Variants in ZBTB20 observed in about 807,000 individuals in gnomAD.
ZBTB20 encodes zinc finger and BTB domain containing 20, also known as zinc finger and BTB domain-containing protein 20.
A neutral mutation model predicts 56.9 loss-of-function variants in ZBTB20; 9 were observed. The ratio of observed to expected loss-of-function variants is 0.16; its 90% CI spans 0.10 to 0.28. The LOEUF (loss-of-function observed/expected upper bound fraction) is 0.28. Ranked by LOEUF, ZBTB20 falls within the 10% of genes least tolerant of loss-of-function variation. The pLI is 1.00. For synonymous variants in ZBTB20, 417 were observed against 420.7 expected (o/e 0.99, Z 0.11); for missense variants, 655 against 1,003.0 (o/e 0.65, Z 4.69).
Position 114,351,379 on chromosome 3 carries a change from C to T in ZBTB20, c.699G>A (p.Gln233=), listed in dbSNP as rs767169563. ...QSSDTESGYL[Q]SHPQHSVDRI... is the part of the protein sequence containing the mutation. ...TGTCCACGCTGTGCTGTGGGTGGCT[C>T]TGCAGGTAGCCCGACTCCGTGTCGC... is the stretch of plus-strand genomic sequence containing the variant. The change falls in exon 11 of 12, where the codon CAG becomes CAA. Residue 233 remains glutamine (Q), a synonymous_variant. Transcript: ENST00000675478. 3.7e-6 allele frequency: 6 copies of T among 1,611,634 alleles called. No individual in the cohort carries two copies. The South Asian group carries it at 6.6e-5, about 18-fold the overall frequency.
intron 7 of ZBTB20, among the ~76,000 whole-genome samples, chr3:114,444,674 G>C (rs1179809177): frequency 6.6e-6 from 1 of 152,056 alleles, no homozygotes; most frequent in Non-Finnish European, 1.5e-5. Flanking sequence ...AAAATGAGTA[G>C]TTTAAGCCTG....
chr3:114,956,826 C>T (rs145049848), intron 3 of ZBTB20, among the ~76,000 whole-genome samples: 2 of 152,290 alleles, frequency 1.3e-5, no homozygotes, highest in East Asian at 3.9e-4. Context: ...GGATGACTCA[C>T]TTTGACAGGA....
At chr3:114,758,559 T>G (rs575593877) in intron 5 of ZBTB20, among the ~76,000 whole-genome samples, 1 of 152,270 alleles carries the variant, frequency 6.6e-6, no homozygotes, top group Admixed American at 6.5e-5. Flanking sequence ...ATCAACAATG[T>G]TGAAAATAAC....
intron 2 of ZBTB20, among the ~76,000 whole-genome samples, chr3:115,059,441 T>A (rs1209304862): frequency 6.6e-6 from 1 of 152,180 alleles, no homozygotes; most frequent in Admixed American, 6.6e-5. Flanking sequence ...CCCTGGCTAT[T>A]AACAAAGTGT....
chr3:114,662,125 A>G (rs1381509793), intron 6 of ZBTB20, among the ~76,000 whole-genome samples: 1 of 144,176 alleles, frequency 6.9e-6, no homozygotes, highest in Non-Finnish European at 1.5e-5. Context: ...TCATTGTTCA[A>G]TTCCCACCTA....
chr3:114,653,624 G>A (rs765527931), intron 6 of ZBTB20, among the ~76,000 whole-genome samples: 3 of 151,834 alleles, frequency 2.0e-5, no homozygotes, highest in Non-Finnish European at 4.4e-5. Flanking sequence ...TTGGGATTAT[G>A]CCTGTCTCAT....
At chr3:114,353,753 G>T (rs1419849778) in intron 10 of ZBTB20, among the ~76,000 whole-genome samples, 2 of 152,144 alleles carry the variant, frequency 1.3e-5, no homozygotes, top group African/African-American at 4.8e-5. Flanking sequence ...TTTTTTAGGG[G>T]TTACAGTTCT....
chr3:114,932,480 C>T (rs1190784772), intron 3 of ZBTB20, among the ~76,000 whole-genome samples: 1 of 152,208 alleles, frequency 6.6e-6, no homozygotes, highest in Non-Finnish European at 1.5e-5. Context: ...TTTGACATCA[C>T]AGATATTATC....
In ZBTB20 at chr3:114,474,648, G is replaced by A. The variant is rs189107106; in HGVS notation, c.-255+25704C>T. Among the ~76,000 whole-genome samples, 64 of 152,204 alleles carry A rather than the reference G, an allele frequency of 4.2e-4. 1 individual carries two copies. The highest frequency in any genetic ancestry group is 2.6e-3 in the Admixed American group (40 of 15,290). On this transcript the variant is annotated intron_variant, in intron 7 of 11. Coordinates refer to ENST00000675478, the MANE Select transcript of ZBTB20 (RefSeq NM_001348800.3). ...TCACTCAGTGTGTTCAAAATTAAAC[G>A]TGTGCTTTCCCCTCCCAACCCTTCT...
intron 6 of ZBTB20, among the ~76,000 whole-genome samples, chr3:114,656,465 C>T (rs1022651915): frequency 2.0e-5 from 3 of 151,800 alleles, no homozygotes; most frequent in African/African-American, 7.3e-5. Context: ...CTTTTTTCTT[C>T]TTCTGAGACA....
At chr3:114,691,450 A>T (rs1465007457) in intron 6 of ZBTB20, among the ~76,000 whole-genome samples, 2 of 152,120 alleles carry the variant, frequency 1.3e-5, no homozygotes, top group Non-Finnish European at 2.9e-5. Flanking sequence ...ATTTTTTATC[A>T]TAAAAAATTT....
At chr3:114,654,886 G>T (rs1308910719) in intron 6 of ZBTB20, among the ~76,000 whole-genome samples, 1 of 152,038 alleles carries the variant, frequency 6.6e-6, no homozygotes, top group Non-Finnish European at 1.5e-5. Context: ...ATATGATTAG[G>T]AAATATCCCT....
At chr3:114,520,423 T>C (rs1274488347) in intron 6 of ZBTB20, among the ~76,000 whole-genome samples, 1 of 152,196 alleles carries the variant, frequency 6.6e-6, no homozygotes, top group Non-Finnish European at 1.5e-5. Flanking sequence ...TTTTGAGGTA[T>C]ACAATTACTA....
rs80236311 is a variant in ZBTB20 at position 114,985,309 on chromosome 3, C to T, written c.-506-10893G>A. 5.9e-3 allele frequency among the ~76,000 whole-genome samples: 896 copies of T among 152,094 alleles called. 12 individuals carry two copies. The highest frequency in any genetic ancestry group is 0.021 in the African/African-American group (866 of 41,506). On this transcript the variant is annotated intron_variant, in intron 2 of 11. Transcript: ENST00000675478. Reference sequence around the variant, plus strand: ...ATAGTTTTCAAGTGCTTACAATGTGCAAGGTAGTTCTTTTTTCAGTTGAAT... The same window carrying T: ...ATAGTTTTCAAGTGCTTACAATGTGTAAGGTAGTTCTTTTTTCAGTTGAAT...
intron 6 of ZBTB20, among the ~76,000 whole-genome samples, chr3:114,507,413 A>T (rs2044767630): frequency 6.6e-6 from 1 of 152,136 alleles, no homozygotes; most frequent in African/African-American, 2.4e-5. Context: ...AAACTGAGAT[A>T]ATTTAGCTTA....
chr3:114,726,585 G>A (rs1225683434), intron 5 of ZBTB20, among the ~76,000 whole-genome samples: 1 of 152,144 alleles, frequency 6.6e-6, no homozygotes, highest in Non-Finnish European at 1.5e-5. Flanking sequence ...TAATGCTAAT[G>A]CTGCTGGTCA....
At chr3:115,074,209 A>C (rs1405841878) in intron 1 of ZBTB20, among the ~76,000 whole-genome samples, 1 of 152,206 alleles carries the variant, frequency 6.6e-6, no homozygotes, top group African/African-American at 2.4e-5. Context: ...GATTGTTTAC[A>C]GAATAAAATG....
intron 3 of ZBTB20, among the ~76,000 whole-genome samples, chr3:114,929,065 T>C (rs1029411363): frequency 6.6e-6 from 1 of 152,214 alleles, no homozygotes; most frequent in African/African-American, 2.4e-5. Flanking sequence ...AAAAGGCATA[T>C]ATACATAAAT....
At chr3:114,702,828 A>C (rs1466666929) in intron 5 of ZBTB20, among the ~76,000 whole-genome samples, 1 of 152,214 alleles carries the variant, frequency 6.6e-6, no homozygotes, top group African/African-American at 2.4e-5. Context: ...CTTAGAGCTC[A>C]TCAGGTAAAT....
Sources: gnomAD v4.1 joint callset for allele counts (sites outside exome capture counted in the v4.1 genomes callset) on GRCh38, gnomAD v4.1.1 for gene constraint, MANE v1.5 for transcripts, NCBI Gene and HGNC (gene_info 2026-07-23, HGNC 2026-07-21) for gene names.